NOL4: variants seen among roughly 807,000 people sequenced by gnomAD.
NOL4 encodes the protein nucleolar protein 4.
NOL4 carries 17 observed loss-of-function variants against 75.9 expected under a neutral mutation model. The ratio of observed to expected loss-of-function variants is 0.22; its 90% CI spans 0.15 to 0.34. NOL4 has a LOEUF of 0.34. Ranked by LOEUF, NOL4 falls within the 10% of genes least tolerant of loss-of-function variation. The pLI is 1.00. For synonymous variants in NOL4, 292 were observed against 289.9 expected, an observed-to-expected ratio of 1.01 and a Z score of -0.07; for missense variants, 614 against 793.5, an observed-to-expected ratio of 0.77 and a Z score of 2.72.
chr18:34,140,236 T>A (rs1052324508), intron 1 of NOL4, among the ~76,000 whole-genome samples: 1 of 152,196 alleles, frequency 6.6e-6, no homozygotes, highest in African/African-American at 2.4e-5. Flanking sequence ...GATATCCTTG[T>A]TAACATTCTG....
At position 34,054,271 on chromosome 18, in the gene NOL4, T is replaced by C. The variant is rs533506693; in HGVS notation, c.773-34670A>G. 3.9e-5 allele frequency among the ~76,000 whole-genome samples: 6 copies of C among 151,978 alleles called. No homozygotes were observed. In the East Asian group the frequency reaches 1.2e-3, roughly 29 times the overall value. On this transcript the variant is annotated intron_variant, in intron 5 of 10. Coordinates refer to ENST00000261592, the MANE Select transcript of NOL4 (RefSeq NM_003787.5). ...TCCTTATTCATCTTTTGTTTGGTTG[T>C]TGTTCTATCCATTATTAAAAGTGGG...
intron 1 of NOL4, among the ~76,000 whole-genome samples, chr18:34,134,431 AT>A (rs1340574563): frequency 1.4e-5 from 2 of 147,792 alleles, no homozygotes; most frequent in Non-Finnish European, 3.0e-5. Context: ...TATGGACCCA[AT>A]AAGAGACTCC....
Position 34,044,836 on chromosome 18 carries a change from T to G in NOL4, c.773-25235A>C, listed in dbSNP as rs190535908. Among the ~76,000 whole-genome samples the G allele has an allele frequency of 2.6e-5, 4 of 152,300 alleles. No individual in the cohort carries two copies. The East Asian group carries it at 7.7e-4, about 29-fold the overall frequency. Reference sequence around the variant, plus strand: ...TCTATTGACTTTCCTATGTCTATAATGGCACCCATGCACTTTCAGTCTTGA... The same window carrying G: ...TCTATTGACTTTCCTATGTCTATAAGGGCACCCATGCACTTTCAGTCTTGA... On this transcript the variant is annotated intron_variant, in intron 5 of 10. Transcript: ENST00000261592.
intron 2 of NOL4, among the ~76,000 whole-genome samples, chr18:34,123,695 T>C (rs1424091165): frequency 6.7e-6 from 1 of 148,418 alleles, no homozygotes; most frequent in African/African-American, 2.4e-5. Flanking sequence ...AATAGATATA[T>C]ATGTATATAT....
intron 5 of NOL4, among the ~76,000 whole-genome samples, chr18:34,084,396 C>T (rs375281357): frequency 2.0e-5 from 3 of 152,062 alleles, no homozygotes; most frequent in Admixed American, 1.3e-4. Context: ...AGGCCCCGCC[C>T]GTCGAGGATA....
At chr18:33,882,823 T>C (rs1311497746) in intron 10 of NOL4, among the ~76,000 whole-genome samples, 1 of 151,852 alleles carries the variant, frequency 6.6e-6, no homozygotes, top group East Asian at 1.9e-4. Flanking sequence ...CCAACAATGA[T>C]AGACTGGATT....
At chr18:33,912,149 A>G (rs1399772386) in intron 9 of NOL4, among the ~76,000 whole-genome samples, 1 of 151,922 alleles carries the variant, frequency 6.6e-6, no homozygotes, top group Non-Finnish European at 1.5e-5. Context: ...AATTGATGTC[A>G]CCCTATAGTC....
At chr18:34,031,021 G>A (rs1042283266) in intron 5 of NOL4, among the ~76,000 whole-genome samples, 1 of 152,066 alleles carries the variant, frequency 6.6e-6, no homozygotes, top group Non-Finnish European at 1.5e-5. Context: ...TAAAGAGGTG[G>A]CAGGATAGGG....
intron 1 of NOL4, among the ~76,000 whole-genome samples, chr18:34,141,390 A>T (rs2081152573): frequency 6.6e-6 from 1 of 152,214 alleles, no homozygotes; most frequent in Non-Finnish European, 1.5e-5. Flanking sequence ...ATCCTAAGCC[A>T]AAAGAACAAA....
At chr18:33,873,211 T>A (rs559146406) in intron 10 of NOL4, among the ~76,000 whole-genome samples, 10 of 151,772 alleles carry the variant, frequency 6.6e-5, no homozygotes, top group African/African-American at 2.2e-4. Context: ...CTATACTCTA[T>A]AAAATTATCT....
chr18:34,131,430 T>C (rs1286430219), intron 1 of NOL4, among the ~76,000 whole-genome samples: 1 of 152,050 alleles, frequency 6.6e-6, no homozygotes, highest in Non-Finnish European at 1.5e-5. Context: ...CAATTTCATA[T>C]GCCTCCTCCT....
At chr18:33,901,549 G>A (rs1394384619) in intron 9 of NOL4, among the ~76,000 whole-genome samples, 1 of 151,976 alleles carries the variant, frequency 6.6e-6, no homozygotes, top group Non-Finnish European at 1.5e-5. Context: ...TTGATAAATA[G>A]GTGCTGATTG....
intron 4 of NOL4, among the ~76,000 whole-genome samples, chr18:34,100,998 C>T (rs1031849334): frequency 6.6e-6 from 1 of 152,106 alleles, no homozygotes; most frequent in Admixed American, 6.6e-5. Flanking sequence ...AGATTAAAGA[C>T]CTTGGAGCCA....
chr18:34,016,562 G>T (rs1294797327), intron 6 of NOL4, among the ~76,000 whole-genome samples: 1 of 151,982 alleles, frequency 6.6e-6, no homozygotes, highest in Admixed American at 6.6e-5. Flanking sequence ...CTCTCTCATG[G>T]CTCTGTGCCT....
intron 9 of NOL4, among the ~76,000 whole-genome samples, chr18:33,909,506 C>T (rs1033854733): frequency 3.3e-5 from 5 of 152,144 alleles, no homozygotes; most frequent in Admixed American, 2.6e-4. Context: ...AATCACTTCT[C>T]CAGCCATAAT....
At chr18:34,174,479 C>T (rs985311642) in intron 1 of NOL4, among the ~76,000 whole-genome samples, 1 of 152,136 alleles carries the variant, frequency 6.6e-6, no homozygotes, top group African/African-American at 2.4e-5. Context: ...GATTCATCTT[C>T]TGCTCTGTAT....
intron 5 of NOL4, among the ~76,000 whole-genome samples, chr18:34,072,239 C>CA (rs1379067226): frequency 1.3e-5 from 2 of 151,742 alleles, no homozygotes; most frequent in Non-Finnish European, 2.9e-5. Context: ...AACAAACAAA[C>CA]AAAAAAAGAT....
At chr18:33,865,580 A>G (rs537081587) in intron 10 of NOL4, among the ~76,000 whole-genome samples, 2 of 152,210 alleles carry the variant, frequency 1.3e-5, no homozygotes, top group East Asian at 3.9e-4. Flanking sequence ...ACTACATTTT[A>G]TTTATGCATC....
intron 1 of NOL4, among the ~76,000 whole-genome samples, chr18:34,194,485 C>CAGGT (rs2035177764): frequency 6.7e-6 from 1 of 150,148 alleles, no homozygotes; most frequent in Non-Finnish European, 1.5e-5. Flanking sequence ...GGCAGGCAGG[C>CAGGT]AGGCGAGAAA....
Sources: allele counts gnomAD v4.1 joint callset (sites outside exome capture counted in the v4.1 genomes callset), GRCh38; gene constraint gnomAD v4.1.1; transcripts MANE v1.5; gene names NCBI Gene and HGNC (gene_info 2026-07-23, HGNC 2026-07-21).